TRPM5: variants seen among roughly 807,000 people sequenced by gnomAD.
TRPM5 encodes MLSN1 and TRP-related.
A neutral mutation model predicts 124.9 loss-of-function variants in TRPM5; 121 were observed. That is an observed-to-expected ratio of 0.97 (90% CI 0.84 to 1.13). The LOEUF (loss-of-function observed/expected upper bound fraction) is 1.13, where lower values mean the gene tolerates loss of function less well. TRPM5 is among the 50% of genes most tolerant of loss of function. The probability of loss-of-function intolerance (pLI) is 0.00; values close to 1 mark genes in which losing one functional copy is unlikely to be tolerated. For synonymous variants in TRPM5, 781 were observed against 700.5 expected (o/e 1.11, Z -1.81); for missense variants, 1,643 against 1,589.1 (o/e 1.03, Z -0.58).
At chr11:2,431,032 C>G in the TRPM5 span, among the ~76,000 whole-genome samples, 2 of 152,092 alleles carry the variant, frequency 1.3e-5, no homozygotes, top group Non-Finnish European at 2.9e-5. Flanking sequence ...ATAACGCTAG[C>G]AGCTTTGCTC....
At chr11:2,430,033 C>A in the TRPM5 span, among the ~76,000 whole-genome samples, 3 of 151,624 alleles carry the variant, frequency 2.0e-5, no homozygotes, top group African/African-American at 7.3e-5. Context: ...CTTCCCTCCA[C>A]CTCTGTCTCC....
At chr11:2,414,678 CCG>C (rs886490716) in intron 11 of TRPM5, 35 bp downstream of exon 16, 8 of 1,470,988 alleles carry the variant, frequency 5.4e-6, no homozygotes, top group South Asian at 3.8e-5. Flanking sequence ...ACATCCTCCC[CCG>C]CGCGCGGGCC....
At chr11:2,407,068 G>A in intron 20 of TRPM5, 51 bp downstream of exon 25, 1 of 1,486,566 alleles carries the variant, frequency 6.7e-7, no homozygotes, top group South Asian at 1.3e-5. Flanking sequence ...CCCGCCCTGG[G>A]ACCCGCCACC....
intron 4 of TRPM5, 137 bp from the exon 10 acceptor site, chr11:2,418,728 T>C: frequency 1.2e-6 from 1 of 826,932 alleles, no homozygotes; most frequent in Non-Finnish European, 1.9e-6. Context: ...CTGGGCCACG[T>C]GACACAGGCT....
Position 2,421,060 on chromosome 11 carries a change from AG to A in TRPM5, c.436del (p.Leu146CysfsTer52). 1 of 1,548,344 alleles carries A rather than the reference AG, an allele frequency of 6.5e-7. No homozygotes were observed. On this transcript the variant is annotated frameshift_variant, in exon 3 of 24. Transcript: ENST00000155858. LOFTEE classifies it high-confidence loss of function. ...GGCCTCCTCCAGAATGCGGCGGTGC[AG>A]GACGCGGCCCAGCGAGGCCATGCCG...
In TRPM5 at chr11:2,415,118, C is replaced by G. The variant is rs775987433; in HGVS notation, c.1479+3G>C. ...CCTCCATCCCCACGGAGCCCCCGCT[C>G]ACCGCCCTCCTGCGGTCCCCTGGCC... is the stretch of plus-strand genomic sequence containing the variant. On this transcript the variant is annotated splice_donor_region_variant and intron_variant, in intron 9 of 23. Coordinates refer to ENST00000155858, the Ensembl canonical transcript of TRPM5. The G allele has an allele frequency of 6.4e-7, 1 of 1,568,670 alleles. No homozygotes were observed. The highest frequency in any genetic ancestry group is 8.6e-7 in the Non-Finnish European group (1 of 1,160,764).
intron 12 of TRPM5, 52 bp downstream of exon 17, chr11:2,414,009 G>GGGGGGGCCCCCCCCCC: frequency 2.5e-4 from 254 of 1,023,386 alleles, no homozygotes; most frequent in Middle Eastern, 1.6e-3. Flanking sequence ...GGCCCAGCTC[G>GGGGGGGCCCCCCCCCC]CCCGCCCACC....
intron 1 of TRPM5, 49 bp downstream of exon 6, chr11:2,422,871 G>T (rs1265245252): frequency 6.6e-7 from 1 of 1,524,682 alleles, no homozygotes; most frequent in South Asian, 1.1e-5. Flanking sequence ...GGGCCTCATG[G>T]GTTCCAGGTC....
At chr11:2,413,007 T>C in exon 15 of TRPM5, 1 of 1,603,628 alleles carries the variant, frequency 6.2e-7, no homozygotes, top group Non-Finnish European at 8.5e-7. Flanking sequence ...CACCAGCTCC[T>C]CCACCCTGTG....
the TRPM5 span, among the ~76,000 whole-genome samples, chr11:2,439,026 C>T: frequency 6.6e-6 from 1 of 152,126 alleles, no homozygotes; most frequent in Non-Finnish European, 1.5e-5. Context: ...TAAAGCCACA[C>T]ACCTACAGTA....
chr11:2,413,318 G>C, intron 13 of TRPM5, 92 bp from the exon 19 acceptor site: 2 of 1,356,130 alleles, frequency 1.5e-6, no homozygotes, highest in Non-Finnish European at 2.0e-6. Flanking sequence ...TGCCCACTGG[G>C]ATGCAGGGGC....
intron 8 of TRPM5, 124 bp from the exon 14 acceptor site, chr11:2,415,595 A>G: frequency 2.8e-6 from 2 of 707,606 alleles, no homozygotes; most frequent in Non-Finnish European, 4.6e-6. Flanking sequence ...GGTCACGCAG[A>G]CCCTCTCGCT....
chr11:2,443,829 C>A, the TRPM5 span, among the ~76,000 whole-genome samples: 34 of 149,978 alleles, frequency 2.3e-4, no homozygotes, highest in South Asian at 1.8e-3. This position sits in a 1 kb window ranked among gnomAD's most constrained non-coding sequence, Gnocchi z 5.0. Flanking sequence ...CCCCACCCCC[C>A]CCCCAAGCCT....
At chr11:2,417,785 G>A in exon 7 of TRPM5, 2 of 1,589,074 alleles carry the variant, frequency 1.3e-6, no homozygotes, top group Non-Finnish European at 1.7e-6. Context: ...CCTGCTCGAA[G>A]TCATACACGG....
intron 12 of TRPM5, 52 bp downstream of exon 17, chr11:2,414,009 G>GGGGCGCCCCCCCCCCCC: frequency 3.9e-6 from 4 of 1,023,726 alleles, no homozygotes; most frequent in South Asian, 1.5e-5. Flanking sequence ...GGCCCAGCTC[G>GGGGCGCCCCCCCCCCCC]CCCGCCCACC....
At chr11:2,405,031 C>T (rs1850285015) in exon 24 of TRPM5, 1 of 1,612,564 alleles carries the variant, frequency 6.2e-7, no homozygotes, top group African/African-American at 1.3e-5. Flanking sequence ...TCCCTCGCCA[C>T]AGTGCTGAGA....
At chr11:2,415,271 C>T (rs1030995885) in exon 9 of TRPM5, 55 of 1,572,504 alleles carry the variant, frequency 3.5e-5, no homozygotes, top group Non-Finnish European at 4.6e-5. Flanking sequence ...CCAGGCCGGC[C>T]AGCGTCAGCC....
At chr11:2,425,910 C>A (rs1845836768), upstream of TRPM5, among the ~76,000 whole-genome samples, 1 of 152,200 alleles carries the variant, frequency 6.6e-6, no homozygotes, top group South Asian at 2.1e-4. Flanking sequence ...TTCCCTTCGT[C>A]CCTGGTGGGG....
the TRPM5 span, among the ~76,000 whole-genome samples, chr11:2,436,082 C>A: frequency 3.7e-4 from 56 of 152,378 alleles, no homozygotes; most frequent in Non-Finnish European, 7.5e-4. Context: ...CTCCCCCACA[C>A]CGTAACCCAG....
Sources: gnomAD v4.1 joint callset for allele counts (sites outside exome capture counted in the v4.1 genomes callset) on GRCh38, gnomAD v4.1.1 for gene constraint, Gnocchi (gnomAD v3.1) non-coding constraint, MANE v1.5 for transcripts, NCBI Gene and HGNC (gene_info 2026-07-23, HGNC 2026-07-21) for gene names.